CDCA2: variants seen among roughly 807,000 people sequenced by gnomAD.
CDCA2 encodes the protein cell division cycle-associated protein 2.
In CDCA2, 44 loss-of-function variants were observed where a neutral mutation model predicts 67.0. The observed-to-expected ratio is 0.66, with a 90% CI of 0.52 to 0.84. The LOEUF (loss-of-function observed/expected upper bound fraction) is 0.84. Among genes scored for constraint, CDCA2 ranks in the 40% least tolerant of loss-of-function variants. CDCA2 has a pLI of 0.00. For missense variants in CDCA2, 1,253 were observed against 1,203.2 expected, an observed-to-expected ratio of 1.04 and a Z score of -0.61; for synonymous variants, 447 against 418.7, an observed-to-expected ratio of 1.07 and a Z score of -0.82.
At chr8:25,485,898 ATTT>A (rs1803758142) in intron 11 of CDCA2, 61 bp downstream of exon 11, 1 of 1,009,898 alleles carries the variant, frequency 9.9e-7, no homozygotes, top group Admixed American at 2.5e-5. Context: ...TATGTTGATT[ATTT>A]TTGTTTTCTT....
chr8:25,492,909 C>A (rs1804069186), intron 13 of CDCA2, among the ~76,000 whole-genome samples: 1 of 152,174 alleles, frequency 6.6e-6, no homozygotes. Context: ...CTGGACCAGA[C>A]CCCTGGGTTT....
At chr8:25,478,784 G>A (rs1046075751) in intron 7 of CDCA2, among the ~76,000 whole-genome samples, 1 of 151,658 alleles carries the variant, frequency 6.6e-6, no homozygotes, top group African/African-American at 2.4e-5. Context: ...GGAACTCTCT[G>A]TTTACCCAAA....
At chr8:25,477,287 ATTTTCCCT>A (rs1044811861) in intron 7 of CDCA2, among the ~76,000 whole-genome samples, 1 of 151,940 alleles carries the variant, frequency 6.6e-6, no homozygotes, top group Non-Finnish European at 1.5e-5. Flanking sequence ...TGTCATTCTC[ATTTTCCCT>A]TGCATCACTG....
chr8:25,462,366 C>T (rs971086712), intron 4 of CDCA2, among the ~76,000 whole-genome samples, 158 bp downstream of exon 4: 5 of 152,140 alleles, frequency 3.3e-5, no homozygotes, highest in African/African-American at 9.7e-5. Context: ...GTGGCTCACG[C>T]CTATAATCCC....
intron 13 of CDCA2, among the ~76,000 whole-genome samples, chr8:25,498,453 A>ACCCCCCCCCCCCCCCCCCCCCCCCCCCCC (rs60633246): frequency 2.2e-4 from 17 of 76,660 alleles, no homozygotes; most frequent in Non-Finnish European, 3.2e-4. Context: ...GGTAATCTGC[A>ACCCCCCCCCCCCCCCCCCCCCCCCCCCCC]CCCCCCCCCC....
At chr8:25,480,786 G>T (rs180887468) in intron 8 of CDCA2, among the ~76,000 whole-genome samples, 134 of 152,246 alleles carry the variant, frequency 8.8e-4, no homozygotes, top group Non-Finnish European at 1.5e-3. Context: ...CTAGCCTCAG[G>T]AGTCAAAATG....
chr8:25,466,073 A>G (rs539922046), intron 4 of CDCA2, 102 bp from the exon 5 acceptor site: 12 of 1,018,768 alleles, frequency 1.2e-5, no homozygotes, highest in African/African-American at 8.5e-5. Flanking sequence ...TTCAAAAAGC[A>G]TATGTGTACT....
chr8:25,492,367 A>G (rs1563278423), intron 13 of CDCA2, among the ~76,000 whole-genome samples: 1 of 152,218 alleles, frequency 6.6e-6, no homozygotes. Flanking sequence ...TCAAAGGGAA[A>G]TCGCTGGTTG....
chr8:25,506,965 G>C lies in CDCA2; in HGVS notation c.2299G>C (p.Asp767His). The part of the protein sequence containing the change: ...PDLNIKCERK[D>H]DFLGAAEGKL... ...TTTAAACATAAAGTGTGAAAGAAAG[G>C]ATGACTTCTTAGGAGCTGCAGAAGG... The change falls in exon 15 of 15, where the codon GAT becomes CAT. Residue 767 changes from aspartate to histidine, a missense_variant. Asp to His is a moderately conservative substitution (Grantham distance 81). Transcript: ENST00000330560. The C allele has an allele frequency of 6.2e-7, 1 of 1,614,018 alleles. No individual in the cohort carries two copies. Among genetic ancestry groups the C allele is most frequent in the Admixed American group, 1.7e-5 (1 of 60,010 alleles).
chr8:25,497,520 A>AAAC (rs1804280819), intron 13 of CDCA2, among the ~76,000 whole-genome samples: 1 of 145,506 alleles, frequency 6.9e-6, no homozygotes, highest in African/African-American at 2.6e-5. Context: ...AAAAAAAAAA[A>AAAC]CTCACAGAAG....
intron 11 of CDCA2, among the ~76,000 whole-genome samples, chr8:25,486,271 A>G (rs985988864): frequency 2.0e-5 from 3 of 152,206 alleles, no homozygotes; most frequent in Admixed American, 6.5e-5. Flanking sequence ...ATGACAAAGC[A>G]ACAGATTGCT....
rs759721124 is a variant in CDCA2, at chr8:25,485,887, A to G, written c.1444+50A>G. ...CATAAATGTCATTTTTTATATGTGT[A>G]TATGTTGATTATTTTTGTTTTCTTT... On this transcript the variant is annotated intron_variant, in intron 11 of 14. Transcript: ENST00000330560. 11 of 1,070,160 alleles carry G rather than the reference A, an allele frequency of 1.0e-5. 1 individual carries two copies. The highest frequency in any genetic ancestry group is 2.9e-5 in the South Asian group (2 of 70,136). The allele number at this position is 1,070,160 out of a possible 1,614,324, so 66.3% of individuals were successfully genotyped here.
At chr8:25,464,963 T>C (rs900383680) in intron 4 of CDCA2, among the ~76,000 whole-genome samples, 1 of 152,074 alleles carries the variant, frequency 6.6e-6, no homozygotes, top group Admixed American at 6.6e-5. Flanking sequence ...AACTGCTTTT[T>C]CTCCCTGTGA....
intron 14 of CDCA2, among the ~76,000 whole-genome samples, 157 bp from the exon 15 acceptor site, chr8:25,506,353 G>A (rs949672921): frequency 2.0e-5 from 3 of 152,168 alleles, no homozygotes; most frequent in Admixed American, 2.0e-4. Flanking sequence ...AAGAGGAGGA[G>A]GAGGATGACA....
In CDCA2 at chr8:25,483,570, G is replaced by A; in HGVS notation, c.1120+84G>A. ...TAGTATAATATATGAAATTTTCAAT[G>A]ATCTATAATGCCTTAGTGCTTCTGA... On this transcript the variant is annotated intron_variant, in intron 9 of 14. Coordinates refer to ENST00000330560, the MANE Select transcript of CDCA2 (RefSeq NM_152562.4). The A allele has an allele frequency of 5.5e-6, 5 of 913,096 alleles. No homozygotes were observed. In the South Asian group the frequency reaches 8.1e-5, roughly 15 times the overall value. The allele number at this position is 913,096 out of a possible 1,614,324, so 56.6% of individuals were successfully genotyped here. A position where few individuals can be genotyped will look rare whatever the true frequency, so the allele number is the denominator to read the frequency against.
intron 3 of CDCA2, among the ~76,000 whole-genome samples, chr8:25,461,388 T>C (rs1428477183): frequency 6.6e-6 from 1 of 151,694 alleles, no homozygotes; most frequent in Admixed American, 6.6e-5. Context: ...GGAAATACTA[T>C]ATGAGAATGG....
chr8:25,500,090 A>G (rs1468302483), intron 13 of CDCA2, among the ~76,000 whole-genome samples: 2 of 152,186 alleles, frequency 1.3e-5, no homozygotes, highest in African/African-American at 4.8e-5. Context: ...AAAAACAGAA[A>G]TTTAGTCTTT....
chr8:25,500,148 C>CCATT (rs202038975), intron 13 of CDCA2, among the ~76,000 whole-genome samples: 3,050 of 152,070 alleles, frequency 0.02, 42 homozygotes, highest in Non-Finnish European at 0.03. Flanking sequence ...ACTTCTTTGA[C>CCATT]CATTCATTCA....
At position 25,483,365 on chromosome 8, in the gene CDCA2, T is replaced by G. The variant is rs759923609; in HGVS notation, c.1033-34T>G. 5.1e-6 allele frequency: 7 copies of G among 1,382,568 alleles called. No homozygotes were observed. In the Admixed American group the frequency reaches 1.5e-4, roughly 30 times the overall value. 85.6% of individuals were successfully genotyped at this position (1,382,568 alleles called of 1,614,324 possible). A position where few individuals can be genotyped will look rare whatever the true frequency, so the allele number is the denominator to read the frequency against. On this transcript the variant is annotated intron_variant, in intron 8 of 14. Coordinates refer to ENST00000330560, the MANE Select transcript of CDCA2 (RefSeq NM_152562.4). ...ATGATGACGTCTATGTATTTCTATA[T>G]GTAAAATTATTCATTAATGTTTATT...
Sources: gnomAD v4.1 joint callset for allele counts (sites outside exome capture counted in the v4.1 genomes callset) on GRCh38, gnomAD v4.1.1 for gene constraint, MANE v1.5 for transcripts, NCBI Gene and HGNC (gene_info 2026-07-23, HGNC 2026-07-21) for gene names.